Variants in MARCHF4 observed in about 807,000 individuals in gnomAD.
MARCHF4 encodes E3 ubiquitin-protein ligase MARCHF4.
MARCHF4 carries 14 observed loss-of-function variants against 43.9 expected under a neutral mutation model. The observed-to-expected ratio is 0.32, with a 90% CI of 0.21 to 0.50. The LOEUF (loss-of-function observed/expected upper bound fraction) is 0.50. MARCHF4 is among the 20% of genes least tolerant of loss of function. The pLI, the probability that MARCHF4 is intolerant of heterozygous loss-of-function variation, is 0.98. For missense variants in MARCHF4, 468 were observed against 536.7 expected (o/e 0.87, Z 1.27); for synonymous variants, 226 against 213.3 (o/e 1.06, Z -0.52).
chr2:216,329,118 C>T (rs976834142), intron 1 of MARCHF4, among the ~76,000 whole-genome samples: 8 of 152,298 alleles, frequency 5.3e-5, no homozygotes, highest in African/African-American at 1.4e-4. Flanking sequence ...CGGTGGCTCA[C>T]GCCTGTAATC....
At chr2:216,336,742 T>TAAAAA (rs58031229) in intron 1 of MARCHF4, among the ~76,000 whole-genome samples, 850 of 55,516 alleles carry the variant, frequency 0.015, 37 homozygotes, top group African/African-American at 0.041. Flanking sequence ...CAAATAGATT[T>TAAAAA]AAAAAAAAAA....
Position 216,371,723 on chromosome 2 carries a change from G to A in MARCHF4, c.-1463C>T, listed in dbSNP as rs1480767830. Reference sequence around the variant, plus strand: ...GGGGCGGCTGGGGAGTGAGGAGGGGGAGTAATAAAAAATGAAATAATACTA... The same window carrying A: ...GGGGCGGCTGGGGAGTGAGGAGGGGAAGTAATAAAAAATGAAATAATACTA... On this transcript the variant is annotated 5_prime_UTR_variant, in exon 1 of 4. Transcript: ENST00000273067. 6.6e-6 allele frequency: 1 copy of A among 152,326 alleles called. No individual in the cohort carries two copies. Among genetic ancestry groups the A allele is most frequent in the Non-Finnish European group, 1.5e-5 (1 of 68,126 alleles). 9.4% of individuals were successfully genotyped at this position (152,326 alleles called of 1,614,324 possible).
At chr2:216,320,971 C>G (rs1254653380) in intron 1 of MARCHF4, among the ~76,000 whole-genome samples, 1 of 151,438 alleles carries the variant, frequency 6.6e-6, no homozygotes, top group Non-Finnish European at 1.5e-5. Flanking sequence ...AGCCACCGCA[C>G]CCAGATGCCT....
At chr2:216,314,326 CTTTT>C (rs5838577) in intron 1 of MARCHF4, among the ~76,000 whole-genome samples, 5 of 139,360 alleles carry the variant, frequency 3.6e-5, no homozygotes, top group Non-Finnish European at 3.1e-5. Flanking sequence ...GATGTAACTA[CTTTT>C]TTTTTTTTTT....
At chr2:216,269,553 T>A (rs1690899596) in intron 3 of MARCHF4, among the ~76,000 whole-genome samples, 1 of 152,228 alleles carries the variant, frequency 6.6e-6, no homozygotes, top group South Asian at 2.1e-4. Flanking sequence ...ATATCTAGGC[T>A]GTAGCTGCAT....
At chr2:216,290,705 T>C (rs73064463) in intron 1 of MARCHF4, among the ~76,000 whole-genome samples, 4,702 of 152,206 alleles carry the variant, frequency 0.031, 246 homozygotes, top group African/African-American at 0.11. Flanking sequence ...TCCTGAGAAA[T>C]GGTCAGTTTC....
chr2:216,336,186 C>T (rs1692155153), intron 1 of MARCHF4, among the ~76,000 whole-genome samples: 1 of 150,636 alleles, frequency 6.6e-6, no homozygotes, highest in Non-Finnish European at 1.5e-5. Flanking sequence ...TAGCTGAACA[C>T]TGAACACTCA....
intron 3 of MARCHF4, among the ~76,000 whole-genome samples, chr2:216,277,225 C>T (rs890481257): frequency 1.3e-5 from 2 of 152,064 alleles, no homozygotes; most frequent in African/African-American, 2.4e-5. Context: ...TTAGAGAAAG[C>T]TGGAATAAGG....
chr2:216,318,748 T>C (rs1307239617), intron 1 of MARCHF4, among the ~76,000 whole-genome samples: 1 of 152,116 alleles, frequency 6.6e-6, no homozygotes, highest in Non-Finnish European at 1.5e-5. Context: ...GCTGTCATGA[T>C]GGGACTTTGG....
At chr2:216,297,109 G>C (rs569810370) in intron 1 of MARCHF4, among the ~76,000 whole-genome samples, 15 of 152,218 alleles carry the variant, frequency 9.9e-5, no homozygotes, top group Non-Finnish European at 1.8e-4. Context: ...TATGGCGTGT[G>C]AATAGACTTC....
intron 1 of MARCHF4, among the ~76,000 whole-genome samples, chr2:216,308,182 G>A (rs1215081258): frequency 6.6e-6 from 1 of 152,174 alleles, no homozygotes; most frequent in African/African-American, 2.4e-5. Flanking sequence ...CAGGCAGATC[G>A]CTTGAGCTCA....
intron 3 of MARCHF4, among the ~76,000 whole-genome samples, chr2:216,275,488 C>A (rs957629282): frequency 1.3e-5 from 2 of 152,182 alleles, no homozygotes; most frequent in African/African-American, 4.8e-5. Context: ...TGCAAGACAG[C>A]TAATGGAATG....
At chr2:216,269,224 A>G (rs1396845677) in intron 3 of MARCHF4, among the ~76,000 whole-genome samples, 1 of 152,194 alleles carries the variant, frequency 6.6e-6, no homozygotes, top group Non-Finnish European at 1.5e-5. Flanking sequence ...AATCTCTTAC[A>G]TCTGTGGAGT....
intron 2 of MARCHF4, among the ~76,000 whole-genome samples, chr2:216,283,076 A>G (rs927539524): frequency 2.0e-5 from 3 of 152,070 alleles, no homozygotes; most frequent in Non-Finnish European, 2.9e-5. Context: ...AGGGCCATTG[A>G]GTCTATTCTT....
intron 1 of MARCHF4, among the ~76,000 whole-genome samples, chr2:216,306,270 G>C (rs1691584888): frequency 6.6e-6 from 1 of 152,012 alleles, no homozygotes; most frequent in Admixed American, 6.6e-5. Flanking sequence ...CAGTTAAATT[G>C]TTTCCATTTT....
At chr2:216,367,139 G>C (rs1692679443) in intron 1 of MARCHF4, among the ~76,000 whole-genome samples, 1 of 152,072 alleles carries the variant, frequency 6.6e-6, no homozygotes, top group Non-Finnish European at 1.5e-5. Context: ...AGGGAGGTGG[G>C]GGTCTGCTTA....
chr2:216,364,595 C>T (rs1029527108), intron 1 of MARCHF4, among the ~76,000 whole-genome samples: 3 of 152,224 alleles, frequency 2.0e-5, no homozygotes, highest in Non-Finnish European at 4.4e-5. Flanking sequence ...CTCCCAGGAC[C>T]TGCAGGACTC....
chr2:216,289,286 G>T (rs1438944363), intron 1 of MARCHF4, among the ~76,000 whole-genome samples: 1 of 127,026 alleles, frequency 7.9e-6, no homozygotes, highest in African/African-American at 3.1e-5. Flanking sequence ...CTTTTCCTTT[G>T]TCTTGCCACT....
intron 1 of MARCHF4, among the ~76,000 whole-genome samples, chr2:216,352,657 C>T (rs934197771): frequency 2.0e-5 from 3 of 152,122 alleles, no homozygotes; most frequent in African/African-American, 7.2e-5. Flanking sequence ...ATGCCCAGCC[C>T]CTCTGTGCTT....
Sources: allele counts gnomAD v4.1 joint callset (sites outside exome capture counted in the v4.1 genomes callset), GRCh38; gene constraint gnomAD v4.1.1; transcripts MANE v1.5; gene names NCBI Gene and HGNC (gene_info 2026-07-23, HGNC 2026-07-21).